CDH11: variants seen among roughly 807,000 people sequenced by gnomAD.
CDH11 encodes cadherin-11.
Under a neutral mutation model 67.8 loss-of-function variants are expected in CDH11, and 11 were observed. The ratio of observed to expected loss-of-function variants is 0.16; its 90% CI spans 0.10 to 0.27. CDH11 has a LOEUF of 0.27. CDH11 is among the 10% of genes least tolerant of loss of function. The pLI is 1.00. For missense variants in CDH11, 847 were observed against 1,031.2 expected (o/e 0.82, Z 2.45); for synonymous variants, 419 against 400.0 (o/e 1.05, Z -0.57).
chr16:64,982,226 T>C lies in CDH11; in HGVS notation c.1075A>G (p.Ile359Val). 2 of 1,614,046 alleles carry C rather than the reference T, an allele frequency of 1.2e-6. No homozygotes were observed. The highest frequency in any genetic ancestry group is 1.7e-6 in the Non-Finnish European group (2 of 1,179,910). Residue 359 changes from isoleucine to valine, a missense_variant, in exon 8 of 13, where the codon ATC becomes GTC. Ile to Val is a conservative substitution (Grantham distance 29, BLOSUM62 3). Around this residue, in one of 2 missense-constraint regions of CDH11, gnomAD observed 612 missense variants for 678.7 expected, o/e 0.90. Coordinates refer to ENST00000268603, the MANE Select transcript of CDH11 (RefSeq NM_001797.4). ...AANVHIDPKF[I>V]SNGPFKDTVT... The stretch of plus-strand genomic sequence containing the variant: ...GTGTCCTTGAAAGGGCCATTGCTGA[T>C]AAACTTCGGGTCGATGTGCACGTTG...
At chr16:65,041,816 A>C (rs1419460534) in intron 2 of CDH11, among the ~76,000 whole-genome samples, 1 of 152,228 alleles carries the variant, frequency 6.6e-6, no homozygotes, top group African/African-American at 2.4e-5. Flanking sequence ...GGGTCAGGCA[A>C]GCCGGAGCAG....
intron 1 of CDH11, among the ~76,000 whole-genome samples, chr16:65,098,137 C>A (rs2074930597): frequency 6.6e-6 from 1 of 152,080 alleles, no homozygotes; most frequent in African/African-American, 2.4e-5. Flanking sequence ...TTGGGTAGGG[C>A]AGCAGCTGGA....
chr16:64,980,916 C>T (rs1164526023), intron 8 of CDH11, among the ~76,000 whole-genome samples: 4 of 151,824 alleles, frequency 2.6e-5, no homozygotes, highest in African/African-American at 9.7e-5. Flanking sequence ...TGCTAGAATC[C>T]GGTCCAGGGG....
chr16:64,986,859 C>T (rs1019940654), intron 7 of CDH11: 8 of 152,016 alleles, frequency 5.3e-5, no homozygotes, highest in Admixed American at 5.2e-4. Context: ...CCCCAACATA[C>T]TTTAAAAGTC....
chr16:65,064,248 GC>G (rs2074277970), intron 1 of CDH11, among the ~76,000 whole-genome samples: 1 of 152,240 alleles, frequency 6.6e-6, no homozygotes, highest in Non-Finnish European at 1.5e-5. Flanking sequence ...AGATGCAGCT[GC>G]AAGCTGATTC....
chr16:65,109,935 G>A (rs2075128277), intron 1 of CDH11, among the ~76,000 whole-genome samples: 1 of 152,162 alleles, frequency 6.6e-6, no homozygotes, highest in Non-Finnish European at 1.5e-5. Flanking sequence ...AAGCTGGAGT[G>A]CAGTGGCGCA....
At chr16:65,064,934 G>A (rs973323800) in intron 1 of CDH11, among the ~76,000 whole-genome samples, 10 of 152,174 alleles carry the variant, frequency 6.6e-5, no homozygotes, top group African/African-American at 2.2e-4. Flanking sequence ...TATGGACAGG[G>A]AGACGGAGGC....
At chr16:64,979,338 T>C (rs2072264255) in intron 8 of CDH11, among the ~76,000 whole-genome samples, 1 of 152,122 alleles carries the variant, frequency 6.6e-6, no homozygotes, top group Admixed American at 6.5e-5. Flanking sequence ...TCCCAGCTAC[T>C]TGGGGGACTG....
Position 64,991,933 on chromosome 16 carries a change from T to C in CDH11, c.646A>G (p.Ile216Val). The C allele has an allele frequency of 6.3e-7, 1 of 1,599,156 alleles. No individual in the cohort carries two copies. The highest frequency in any genetic ancestry group is 8.6e-7 in the Non-Finnish European group (1 of 1,168,042). The change falls in exon 6 of 13, where the codon ATC becomes GTC. Residue 216 changes from isoleucine (I) to valine (V), a missense_variant and splice_region_variant. Ile to Val is a conservative substitution (Grantham distance 29). Transcript: ENST00000268603. Reference sequence around the variant, plus strand: ...ATGTTGGGTAGGGCTGTTCTGATGATACCTGGACAGGTAAGCAGGCAACAT... The same window carrying C: ...ATGTTGGGTAGGGCTGTTCTGATGACACCTGGACAGGTAAGCAGGCAACAT... ...PYFSVEAQTG[I>V]IRTALPNMDR...
At chr16:65,043,633 T>C (rs904006700) in intron 2 of CDH11, among the ~76,000 whole-genome samples, 10 of 152,200 alleles carry the variant, frequency 6.6e-5, no homozygotes, top group African/African-American at 1.9e-4. Context: ...TCCCAGTAGC[T>C]GAGACCACCA....
intron 1 of CDH11, among the ~76,000 whole-genome samples, chr16:65,068,860 T>A (rs2074365968): frequency 6.6e-6 from 1 of 152,188 alleles, no homozygotes; most frequent in African/African-American, 2.4e-5. Context: ...GAAAGATGCT[T>A]GCTTTCAATG....
At chr16:65,070,088 CTGT>C (rs2074390165) in intron 1 of CDH11, among the ~76,000 whole-genome samples, 2 of 152,194 alleles carry the variant, frequency 1.3e-5, no homozygotes, top group Non-Finnish European at 2.9e-5. Context: ...GACCCTGCCA[CTGT>C]ACGATTGTGG....
At chr16:65,020,055 G>A (rs867101618) in intron 2 of CDH11, among the ~76,000 whole-genome samples, 2 of 152,084 alleles carry the variant, frequency 1.3e-5, no homozygotes, top group African/African-American at 4.8e-5. Context: ...TAAAAAACCT[G>A]GTAAGTTATG....
At chr16:64,951,527 G>A (rs147215926) in intron 11 of CDH11, among the ~76,000 whole-genome samples, 10 of 152,082 alleles carry the variant, frequency 6.6e-5, no homozygotes, top group African/African-American at 2.4e-4. Flanking sequence ...GCTTGCCACT[G>A]AAGGAAATTC....
At chr16:65,036,374 G>A (rs1277799312) in intron 2 of CDH11, among the ~76,000 whole-genome samples, 1 of 151,968 alleles carries the variant, frequency 6.6e-6, no homozygotes, top group Non-Finnish European at 1.5e-5. Flanking sequence ...GACTCTAGAG[G>A]CAATGGATCT....
chr16:64,977,454 C>T (rs1335683900), intron 8 of CDH11, among the ~76,000 whole-genome samples: 1 of 152,176 alleles, frequency 6.6e-6, no homozygotes, highest in African/African-American at 2.4e-5. Flanking sequence ...TTTTACGTCA[C>T]AGTCACTGCT....
rs116067987 is a variant in CDH11, at chr16:65,050,898, C to T, written c.-173+2906G>A. 5.6e-3 allele frequency among the ~76,000 whole-genome samples: 848 copies of T among 152,082 alleles called. 10 individuals are homozygous for T. The highest frequency in any genetic ancestry group is 0.019 in the African/African-American group (786 of 41,464). ...TCATTGACACCTCATTCTAATTGCC[C>T]CTATTATCTAGAAAAATAGGAAATG... is the stretch of plus-strand genomic sequence containing the variant. On this transcript the variant is annotated intron_variant, in intron 2 of 12. Coordinates refer to ENST00000268603, the MANE Select transcript of CDH11 (RefSeq NM_001797.4).
At chr16:65,049,143 T>C (rs1022368271) in intron 2 of CDH11, among the ~76,000 whole-genome samples, 3 of 152,188 alleles carry the variant, frequency 2.0e-5, no homozygotes, top group Non-Finnish European at 4.4e-5. Flanking sequence ...CTCACCATTA[T>C]GCAAAATACA....
At chr16:65,122,571 G>A (rs2075353411), upstream of CDH11, among the ~76,000 whole-genome samples, 1 of 152,166 alleles carries the variant, frequency 6.6e-6, no homozygotes, top group African/African-American at 2.4e-5. Context: ...ATTCGGGAGC[G>A]CGTTCTATTC....
Sources: gnomAD v4.1 joint callset for allele counts (sites outside exome capture counted in the v4.1 genomes callset) on GRCh38, gnomAD v4.1.1 for gene constraint, gnomAD v4.1.1 regional missense constraint, MANE v1.5 for transcripts, NCBI Gene and HGNC (gene_info 2026-07-23, HGNC 2026-07-21) for gene names.